NCOR2: variants seen among roughly 807,000 people sequenced by gnomAD.
The protein encoded by NCOR2 is nuclear receptor corepressor 2.
NCOR2 carries 81 observed loss-of-function variants against 262.9 expected under a neutral mutation model. That is an observed-to-expected ratio of 0.31 (90% confidence interval 0.26 to 0.37). The LOEUF (loss-of-function observed/expected upper bound fraction) is 0.37, where lower values mean the gene tolerates loss of function less well. Ranked by LOEUF, NCOR2 falls within the 10% of genes least tolerant of loss-of-function variation. NCOR2 has a pLI of 1.00. For missense variants in NCOR2, 3,385 were observed against 3,621.4 expected (o/e 0.93, Z 1.68); for synonymous variants, 1,659 against 1,559.3 (o/e 1.06, Z -1.51).
intron 19 of NCOR2, 68 bp from the exon 22 acceptor site, chr12:124,372,678 C>T (rs1358923293): frequency 7.0e-7 from 1 of 1,421,798 alleles, no homozygotes; most frequent in Admixed American, 1.9e-5. Flanking sequence ...GATGCATGGC[C>T]CTGACCCTCC....
At chr12:124,450,841 C>T (rs1389211613) in intron 6 of NCOR2, among the ~76,000 whole-genome samples, 2 of 152,228 alleles carry the variant, frequency 1.3e-5, no homozygotes, top group Non-Finnish European at 2.9e-5. Flanking sequence ...TTACTTATTC[C>T]ATCTGTGCCT....
chr12:124,330,092 G>A (rs2035057569), intron 44 of NCOR2, among the ~76,000 whole-genome samples: 1 of 152,200 alleles, frequency 6.6e-6, no homozygotes, highest in Admixed American at 6.5e-5. Flanking sequence ...GGGAAGATCA[G>A]CAAACCTCTC....
At chr12:124,563,374 C>G (rs2052132088) in intron 1 of NCOR2, among the ~76,000 whole-genome samples, 1 of 152,252 alleles carries the variant, frequency 6.6e-6, no homozygotes, top group African/African-American at 2.4e-5. Context: ...AGAAGCCTCA[C>G]TCTGCTCCAA....
At chr12:124,465,088 T>TC (rs2046352910) in intron 5 of NCOR2, among the ~76,000 whole-genome samples, 1 of 151,924 alleles carries the variant, frequency 6.6e-6, no homozygotes, top group Non-Finnish European at 1.5e-5. Context: ...ACTCGAGGCC[T>TC]CCCCACCCCC....
intron 1 of NCOR2, among the ~76,000 whole-genome samples, chr12:124,522,322 T>C (rs2137096478): frequency 6.6e-6 from 1 of 152,298 alleles, no homozygotes; most frequent in Non-Finnish European, 1.5e-5. Flanking sequence ...TATTACAAAT[T>C]GGGTGGCTGA....
rs528053569 is a variant in NCOR2 at position 124,467,313 on chromosome 12, C to A, written c.592-1027G>T. On this transcript the variant is annotated intron_variant, in intron 4 of 46. Coordinates refer to ENST00000405201, the Ensembl canonical transcript of NCOR2. The stretch of plus-strand genomic sequence containing the variant: ...TCATCCTCATCACCCTCATCCTCAT[C>A]ACCCCCATCATCCTCATCCTCATCA... 2.4e-4 allele frequency among the ~76,000 whole-genome samples: 9 copies of A among 36,840 alleles called. 1 individual carries two copies. The highest frequency in any genetic ancestry group is 1.0e-3 in the African/African-American group (9 of 8,934). 24.2% of individuals were successfully genotyped at this position (36,840 alleles called of 152,430 possible). A position where few individuals can be genotyped will look rare whatever the true frequency, so the allele number is the denominator to read the frequency against.
intron 21 of NCOR2, among the ~76,000 whole-genome samples, chr12:124,362,764 G>A (rs1383336307): frequency 6.6e-6 from 1 of 150,662 alleles, no homozygotes; most frequent in South Asian, 2.1e-4. Context: ...TGGTGCACAG[G>A]GGGAGCTCAC....
At chr12:124,534,867 G>A (rs1266579473) in intron 1 of NCOR2, among the ~76,000 whole-genome samples, 1 of 152,126 alleles carries the variant, frequency 6.6e-6, no homozygotes, top group Admixed American at 6.5e-5. Flanking sequence ...CACAAAATGG[G>A]GTGACCTGTG....
rs576599589 is a variant in NCOR2 at position 124,374,328 on chromosome 12, C to T, written c.2218+85G>A. The T allele has an allele frequency of 5.1e-5, 70 of 1,374,156 alleles. 1 individual carries two copies. The South Asian group carries it at 5.5e-4, about 11-fold the overall frequency. The allele number at this position is 1,374,156 out of a possible 1,614,324, so 85.1% of individuals were successfully genotyped here. ...ACAGAAAGAGGCATGTGCTCAGAAG[C>T]GGGGTTCCTTGTGGAGGACCGGGGA... On this transcript the variant is annotated intron_variant, in intron 19 of 46. Transcript: ENST00000405201.
chr12:124,344,765 T>C, exon 32 of NCOR2: 1 of 1,549,382 alleles, frequency 6.5e-7, no homozygotes. Flanking sequence ...CCCGAGCTGC[T>C]GGCGGTCCCT....
At chr12:124,473,847 G>C (rs1013730440) in intron 3 of NCOR2, among the ~76,000 whole-genome samples, 3 of 152,030 alleles carry the variant, frequency 2.0e-5, no homozygotes, top group African/African-American at 7.2e-5. Context: ...TACACCCCGG[G>C]TTTCCATCCC....
At chr12:124,380,170 C>T (rs1399078293) in intron 17 of NCOR2, among the ~76,000 whole-genome samples, 1 of 152,186 alleles carries the variant, frequency 6.6e-6, no homozygotes, top group African/African-American at 2.4e-5. Context: ...GGGCAAATGC[C>T]AGGTGGGCCC....
At chr12:124,379,444 C>T (rs985939115) in intron 17 of NCOR2, among the ~76,000 whole-genome samples, 1 of 152,230 alleles carries the variant, frequency 6.6e-6, no homozygotes, top group African/African-American at 2.4e-5. Context: ...TGTGAAAGGC[C>T]AGCCTTCGTG....
At chr12:124,506,146 C>A (rs982885795) in intron 1 of NCOR2, among the ~76,000 whole-genome samples, 1 of 152,158 alleles carries the variant, frequency 6.6e-6, no homozygotes, top group African/African-American at 2.4e-5. Flanking sequence ...CTCATGCTAA[C>A]ACCAGAGGCA....
intron 3 of NCOR2, among the ~76,000 whole-genome samples, chr12:124,476,782 A>C (rs77438070): frequency 0.011 from 1,639 of 152,294 alleles, 19 homozygotes; most frequent in Non-Finnish European, 0.017. Context: ...ACAGATAAAT[A>C]AAACATGGCA....
chr12:124,457,036 C>A lies in NCOR2; in HGVS notation c.762+70G>T. ...TGACTTCCTCCTCCGCCGCACCCTC[C>A]CGCCTCCCTGCCCACCTCTCCAGCC... On this transcript the variant is annotated intron_variant, in intron 6 of 46. Coordinates refer to ENST00000405201, the Ensembl canonical transcript of NCOR2. This position sits in a 1 kb window ranked among gnomAD's most constrained non-coding sequence, Gnocchi z 4.0. The A allele has an allele frequency of 9.5e-7, 1 of 1,056,768 alleles. No homozygotes were observed. The highest frequency in any genetic ancestry group is 1.3e-6 in the Non-Finnish European group (1 of 755,682). 65.5% of individuals were successfully genotyped at this position (1,056,768 alleles called of 1,614,324 possible). A position where few individuals can be genotyped will look rare whatever the true frequency, so the allele number is the denominator to read the frequency against.
chr12:124,438,903 AGAGACCCAGAGAGAGAGAGACG>A (rs2044591041), intron 7 of NCOR2, among the ~76,000 whole-genome samples: 167 of 152,030 alleles, frequency 1.1e-3, no homozygotes, highest in African/African-American at 3.6e-3. Context: ...AGAGGGAGAC[AGAGACCCAGAGAGAGAGAGACG>A]GAGACCCAGA....
chr12:124,395,801 G>A (rs1165948165), intron 16 of NCOR2, among the ~76,000 whole-genome samples: 2 of 152,146 alleles, frequency 1.3e-5, no homozygotes, highest in Admixed American at 6.5e-5. Flanking sequence ...GGATGTCCAC[G>A]CGGAGTCCTC....
chr12:124,519,780 G>A (rs1212515095), intron 1 of NCOR2, among the ~76,000 whole-genome samples: 2 of 152,156 alleles, frequency 1.3e-5, no homozygotes, highest in Admixed American at 1.3e-4. Flanking sequence ...GTGCTAAGCG[G>A]GTCCCCTGGT....
Sources: allele counts gnomAD v4.1 joint callset (sites outside exome capture counted in the v4.1 genomes callset), GRCh38; gene constraint gnomAD v4.1.1; non-coding constraint Gnocchi (gnomAD v3.1); transcripts MANE v1.5; gene names NCBI Gene and HGNC (gene_info 2026-07-23, HGNC 2026-07-21).